Variants in MED6 observed in about 807,000 individuals in gnomAD.
MED6 encodes mediator complex subunit 6.
Under a neutral mutation model 37.5 loss-of-function variants are expected in MED6, and 33 were observed. The observed-to-expected ratio is 0.88, with a 90% confidence interval of 0.67 to 1.18. The LOEUF (loss-of-function observed/expected upper bound fraction) is 1.18, where lower values mean the gene tolerates loss of function less well. MED6 is among the 50% of genes most tolerant of loss of function. The pLI is 0.00. For missense variants in MED6, 235 were observed against 290.6 expected (o/e 0.81, Z 1.39); for synonymous variants, 94 against 93.6 (o/e 1.00, Z -0.02).
Position 70,600,641 on chromosome 14 carries a change from T to A in MED6, c.-4A>T. On this transcript the variant is annotated 5_prime_UTR_variant, in exon 1 of 8. Transcript: ENST00000256379. Reference sequence around the variant, plus strand: ...CTCGGATATCCACCGCCGCCATAATTCCGAGAGCGTTTACAGGTTCTCTTT... The same window carrying A: ...CTCGGATATCCACCGCCGCCATAATACCGAGAGCGTTTACAGGTTCTCTTT... 1.9e-6 allele frequency: 3 copies of A among 1,613,044 alleles called. No individual in the cohort carries two copies. The highest frequency in any genetic ancestry group is 2.5e-6 in the Non-Finnish European group (3 of 1,179,838).
intron 1 of MED6, among the ~76,000 whole-genome samples, chr14:70,600,126 G>A (rs1595056642): frequency 6.6e-6 from 1 of 152,020 alleles, no homozygotes; most frequent in Admixed American, 6.6e-5. Flanking sequence ...ATAATTGCTG[G>A]ACGTTCGATG....
At position 70,584,780 on chromosome 14, in the gene MED6, A is replaced by T. The variant is rs1244385141; in HGVS notation, c.*33T>A. On this transcript the variant is annotated 3_prime_UTR_variant, in exon 8 of 8. Transcript: ENST00000256379. ...GTACTGAGGTATGATAACTAGCATG[A>T]GGAGTCTTCCAGGCTTCTCTTTTGT... The T allele has an allele frequency of 6.2e-7, 1 of 1,604,418 alleles. No homozygotes were observed. Among genetic ancestry groups the T allele is most frequent in the Non-Finnish European group, 8.5e-7 (1 of 1,177,134 alleles).
intron 6 of MED6, 84 bp downstream of exon 6, chr14:70,591,182 A>G: frequency 2.8e-6 from 3 of 1,074,644 alleles, no homozygotes; most frequent in Non-Finnish European, 4.1e-6. Flanking sequence ...TTTAGGTCAC[A>G]TCTGAAACAG....
intron 3 of MED6, chr14:70,594,466 C>T (rs1417219803): frequency 6.8e-6 from 2 of 292,420 alleles, no homozygotes; most frequent in African/African-American, 4.5e-5. Context: ...AAAGAATTAA[C>T]TCAGTGGACT....
chr14:70,595,898 C>CA (rs1404238865), intron 3 of MED6: 1 of 544,360 alleles, frequency 1.8e-6, no homozygotes, highest in Non-Finnish European at 3.3e-6. Context: ...AAAAACAAAA[C>CA]AAAATTACTT....
In MED6 at chr14:70,585,695, AT is replaced by A. The variant is rs1264490690; in HGVS notation, c.610+60del. The A allele has an allele frequency of 3.5e-6, 5 of 1,445,094 alleles. No individual in the cohort carries two copies. In the East Asian group the frequency reaches 1.2e-4, roughly 35 times the overall value. 89.5% of individuals were successfully genotyped at this position (1,445,094 alleles called of 1,614,324 possible). A position where few individuals can be genotyped will look rare whatever the true frequency, so the allele number is the denominator to read the frequency against. Reference sequence around the variant, plus strand: ...GCTCATTTCACATGCTATACTTGTGATTGATTTACAAGCTGTTTGACCTTAT... The same window carrying A: ...GCTCATTTCACATGCTATACTTGTGATGATTTACAAGCTGTTTGACCTTAT... On this transcript the variant is annotated intron_variant, in intron 7 of 7. Coordinates refer to ENST00000256379, the MANE Select transcript of MED6 (RefSeq NM_005466.4).
intron 1 of MED6, among the ~76,000 whole-genome samples, chr14:70,600,240 A>G (rs1232524023): frequency 6.6e-6 from 1 of 152,206 alleles, no homozygotes; most frequent in Non-Finnish European, 1.5e-5. Context: ...CCAAGTCCCA[A>G]GAGATGAATC....
chr14:70,584,923 C>T lies in MED6; in HGVS notation c.631G>A (p.Ala211Thr), dbSNP rs1346245154. 1 of 1,613,806 alleles carries T rather than the reference C, an allele frequency of 6.2e-7. No homozygotes were observed. The highest frequency in any genetic ancestry group is 1.1e-5 in the South Asian group (1 of 91,058). The part of the protein sequence containing the change: ...PVPVDQTKKE[A>T]EPIPETVKPE... ...TTTACAGTTTCTGGTATAGGTTCTG[C>T]CTCTTTCTTTGTTTGATCCACTAGA... Residue 211 changes from alanine to threonine, a missense_variant, in exon 8 of 8, where the codon GCA becomes ACA. By Grantham distance (58) the Ala-to-Thr change is moderately conservative. Coordinates refer to ENST00000256379, the MANE Select transcript of MED6 (RefSeq NM_005466.4).
chr14:70,585,696 T>C lies in MED6; in HGVS notation c.610+60A>G, dbSNP rs376988196. The C allele has an allele frequency of 3.5e-5, 51 of 1,450,620 alleles. No homozygotes were observed. In the East Asian group the frequency reaches 5.1e-4, roughly 14 times the overall value. The allele number at this position is 1,450,620 out of a possible 1,614,324, so 89.9% of individuals were successfully genotyped here. ...CTCATTTCACATGCTATACTTGTGATTGATTTACAAGCTGTTTGACCTTAT... is the reference window on the plus strand; with the variant it reads ...CTCATTTCACATGCTATACTTGTGACTGATTTACAAGCTGTTTGACCTTAT... On this transcript the variant is annotated intron_variant, in intron 7 of 7. Coordinates refer to ENST00000256379, the MANE Select transcript of MED6 (RefSeq NM_005466.4).
chr14:70,589,915 T>C (rs61980460), intron 6 of MED6, among the ~76,000 whole-genome samples: 8 of 152,210 alleles, frequency 5.3e-5, no homozygotes, highest in African/African-American at 1.9e-4. Flanking sequence ...TCAAAAGAAA[T>C]GTGAGCCACA....
chr14:70,596,920 C>T (rs1026418731), intron 2 of MED6, among the ~76,000 whole-genome samples: 5 of 152,186 alleles, frequency 3.3e-5, no homozygotes, highest in Non-Finnish European at 7.3e-5. Flanking sequence ...CAAAATTTCT[C>T]TACAACAATG....
At chr14:70,584,978 T>C (rs1174548931) in intron 7 of MED6, 35 bp from the exon 8 acceptor site, 1 of 1,605,670 alleles carries the variant, frequency 6.2e-7, no homozygotes, top group Non-Finnish European at 8.5e-7. Flanking sequence ...GGGAGGGAGA[T>C]ATGGGTGGGG....
intron 1 of MED6, among the ~76,000 whole-genome samples, 170 bp downstream of exon 1, chr14:70,600,446 A>C (rs1885173718): frequency 6.6e-6 from 1 of 151,804 alleles, no homozygotes; most frequent in African/African-American, 2.4e-5. Flanking sequence ...TCAGAAAAAA[A>C]AAAAAACTCG....
At position 70,593,372 on chromosome 14, in the gene MED6, G is replaced by A. The variant is rs1884942512; in HGVS notation, c.281C>T (p.Pro94Leu). ...AGCAATGATATAGTAATCAGCTAGT[G>A]GGATAACTAAAACAGTGGGAAAAAA... ...QQRQSPAQVI[P>L]LADYYIIAGV... The change falls in exon 4 of 8, where the codon CCA becomes CTA. Residue 94 changes from proline (P) to leucine (L), a missense_variant. By Grantham distance (98) the Pro-to-Leu change is moderately conservative (BLOSUM62 -3). Transcript: ENST00000256379. 3 of 1,612,174 alleles carry A rather than the reference G, an allele frequency of 1.9e-6. No homozygotes were observed. Among genetic ancestry groups the A allele is most frequent in the Non-Finnish European group, 2.5e-6 (3 of 1,178,568 alleles).
Position 70,591,271 on chromosome 14 carries a change from C to G in MED6, c.577G>C (p.Val193Leu), listed in dbSNP as rs758687576. The G allele has an allele frequency of 6.2e-6, 10 of 1,610,216 alleles. No individual in the cohort carries two copies. Among genetic ancestry groups the G allele is most frequent in the Non-Finnish European group, 7.6e-6 (9 of 1,177,898 alleles). Residue 193 changes from valine to leucine, a missense_variant, in exon 6 of 8, where the codon GTG becomes CTG. Transcript: ENST00000256379. ...ACCACACATATTCTCATTACCTGCA[C>G]AAATTTGGGTGGAAATTTTTGTCTG... ...DLRQKFPPKF[V>L]QLKPGEKPVP...
chr14:70,587,410 C>T (rs1012203293), intron 6 of MED6, among the ~76,000 whole-genome samples: 31 of 152,306 alleles, frequency 2.0e-4, no homozygotes, highest in Admixed American at 1.0e-3. Context: ...CCACATATCA[C>T]ATTATCTTGT....
In MED6 at chr14:70,584,909, T is replaced by C; in HGVS notation, c.645A>G (p.Pro215=). ...DQTKKEAEPI[P]ETVKPEEKET... ...CCTTCTCCTCAGGTTTTACAGTTTC[T>C]GGTATAGGTTCTGCCTCTTTCTTTG... The change falls in exon 8 of 8, where the codon CCA becomes CCG. Residue 215 remains proline (P), a synonymous_variant. Coordinates refer to ENST00000256379, the MANE Select transcript of MED6 (RefSeq NM_005466.4). 1.2e-6 allele frequency: 2 copies of C among 1,614,154 alleles called. No homozygotes were observed. The highest frequency in any genetic ancestry group is 1.7e-6 in the Non-Finnish European group (2 of 1,180,006).
At chr14:70,598,812 T>C (rs1211678863) in intron 1 of MED6, among the ~76,000 whole-genome samples, 1 of 152,066 alleles carries the variant, frequency 6.6e-6, no homozygotes, top group African/African-American at 2.4e-5. Flanking sequence ...AGAGAACACA[T>C]CTATAGCTAC....
intron 3 of MED6, chr14:70,595,167 G>A (rs1055026027): frequency 2.8e-5 from 15 of 535,476 alleles, no homozygotes; most frequent in African/African-American, 1.3e-4. Context: ...GGCTCTCAAG[G>A]AGGAGCTGCT....
Sources: allele counts gnomAD v4.1 joint callset (sites outside exome capture counted in the v4.1 genomes callset), GRCh38; gene constraint gnomAD v4.1.1; transcripts MANE v1.5; gene names NCBI Gene and HGNC (gene_info 2026-07-23, HGNC 2026-07-21).